CADM2: variants seen among roughly 807,000 people sequenced by gnomAD.
CADM2 encodes the protein cell adhesion molecule 2.
CADM2 carries 12 observed loss-of-function variants against 49.8 expected under a neutral mutation model. That is an observed-to-expected ratio of 0.24 (90% CI 0.15 to 0.39). The LOEUF is 0.39. Among genes scored for constraint, CADM2 ranks in the 10% least tolerant of loss-of-function variants. The pLI is 1.00. For missense variants in CADM2, 378 were observed against 492.3 expected, an observed-to-expected ratio of 0.77 and a Z score of 2.20; for synonymous variants, 214 against 175.4, an observed-to-expected ratio of 1.22 and a Z score of -1.74.
Position 85,266,236 on chromosome 3 carries a change from A to G in CADM2, c.61+306568A>G, listed in dbSNP as rs142139938. ...CCCATTGGATTTTTGCAGTCTCAAA[A>G]CTGAGCTCTTCAAACTTGGAGATAC... On this transcript the variant is annotated intron_variant, in intron 1 of 9. Coordinates refer to ENST00000383699, the MANE Select transcript of CADM2 (RefSeq NM_001167675.2). Among the ~76,000 whole-genome samples the G allele has an allele frequency of 4.1e-3, 622 of 152,010 alleles. 4 individuals carry two copies. The highest frequency in any genetic ancestry group is 6.8e-3 in the Middle Eastern group (2 of 294).
intron 1 of CADM2, among the ~76,000 whole-genome samples, chr3:85,621,172 A>G (rs1047667041): frequency 1.3e-5 from 2 of 152,138 alleles, no homozygotes; most frequent in African/African-American, 4.8e-5. Context: ...CTGTAATGAA[A>G]CTGAATATAT....
At chr3:85,216,846 T>A (rs763216701) in intron 1 of CADM2, among the ~76,000 whole-genome samples, 6 of 152,090 alleles carry the variant, frequency 3.9e-5, no homozygotes, top group Non-Finnish European at 7.4e-5. Context: ...CTTTGTAGAA[T>A]AGGATGAGAA....
chr3:85,294,344 CGTGAAAATGGCCATACTGCCCAA>C (rs1344972540), intron 1 of CADM2, among the ~76,000 whole-genome samples: 2 of 151,980 alleles, frequency 1.3e-5, no homozygotes, highest in Non-Finnish European at 2.9e-5. Context: ...GAATCAATAT[CGTGAAAATGGCCATACTGCCCAA>C]GGTAATTTAC....
chr3:85,998,348 C>T (rs77316574), intron 8 of CADM2, among the ~76,000 whole-genome samples: 2,142 of 152,168 alleles, frequency 0.014, 40 homozygotes, highest in East Asian at 0.061. Context: ...ATTTTGTCCT[C>T]TCTGGAAACC....
At chr3:85,037,818 T>G (rs577183008) in intron 1 of CADM2, among the ~76,000 whole-genome samples, 1 of 152,300 alleles carries the variant, frequency 6.6e-6, no homozygotes, top group Non-Finnish European at 1.5e-5. Flanking sequence ...GAGGTGAATA[T>G]TATATCCTCT....
At chr3:85,006,475 A>T (rs2033733822) in intron 1 of CADM2, among the ~76,000 whole-genome samples, 2 of 152,212 alleles carry the variant, frequency 1.3e-5, no homozygotes, top group Non-Finnish European at 2.9e-5. Context: ...ACAATTAAAC[A>T]TATGACTTAT....
At chr3:85,589,984 C>G (rs1474564450) in intron 1 of CADM2, among the ~76,000 whole-genome samples, 1 of 151,876 alleles carries the variant, frequency 6.6e-6, no homozygotes, top group African/African-American at 2.4e-5. Context: ...CAAAAAGAAA[C>G]AGATATACAG....
chr3:85,087,878 C>T (rs2107516198), intron 1 of CADM2, among the ~76,000 whole-genome samples: 1 of 152,226 alleles, frequency 6.6e-6, no homozygotes, highest in Non-Finnish European at 1.5e-5. Context: ...TTCCAAAGTT[C>T]CCTTACCAGT....
chr3:85,617,181 G>A (rs2063823309), intron 1 of CADM2, among the ~76,000 whole-genome samples: 1 of 152,002 alleles, frequency 6.6e-6, no homozygotes, highest in Non-Finnish European at 1.5e-5. Flanking sequence ...CAGTCCCCAA[G>A]CCTCCCCACC....
At chr3:85,958,914 G>A (rs974843858) in intron 7 of CADM2, among the ~76,000 whole-genome samples, 6 of 151,692 alleles carry the variant, frequency 4.0e-5, no homozygotes, top group Non-Finnish European at 7.4e-5. Flanking sequence ...TGGGGGTGAG[G>A]GGAGGGAACC....
At chr3:85,427,202 G>C (rs369583287) in intron 1 of CADM2, among the ~76,000 whole-genome samples, 1 of 100,492 alleles carries the variant, frequency 1.0e-5, no homozygotes, top group Non-Finnish European at 1.9e-5. Flanking sequence ...ATATATATAT[G>C]TATAATAAGT....
intron 1 of CADM2, among the ~76,000 whole-genome samples, chr3:85,098,328 G>A (rs1395726397): frequency 1.3e-5 from 2 of 150,772 alleles, no homozygotes; most frequent in Non-Finnish European, 2.9e-5. Flanking sequence ...AGTTTAAACA[G>A]TAGTTAAATG....
intron 5 of CADM2, among the ~76,000 whole-genome samples, chr3:85,899,679 A>C (rs1715835188): frequency 6.6e-6 from 1 of 152,202 alleles, no homozygotes; most frequent in Non-Finnish European, 1.5e-5. Context: ...AGACCAGAAC[A>C]GTATTTGACT....
At chr3:85,415,426 A>AAAT (rs543105650) in intron 1 of CADM2, among the ~76,000 whole-genome samples, 3,113 of 151,874 alleles carry the variant, frequency 0.02, 110 homozygotes, top group African/African-American at 0.071. Flanking sequence ...TGCCAAAAAA[A>AAAT]AAAAACTAGC....
intron 3 of CADM2, among the ~76,000 whole-genome samples, chr3:85,879,793 G>A (rs927831474): frequency 5.3e-5 from 8 of 152,144 alleles, no homozygotes; most frequent in African/African-American, 1.7e-4. Flanking sequence ...CACCGATACA[G>A]TTTAATAGTC....
At chr3:85,845,282 G>A (rs552574085) in intron 3 of CADM2, among the ~76,000 whole-genome samples, 91 of 152,094 alleles carry the variant, frequency 6.0e-4, no homozygotes, top group African/African-American at 2.0e-3. Flanking sequence ...CTGGTAGCCC[G>A]GGCCAGTCAC....
chr3:85,000,473 C>T (rs1249779653), intron 1 of CADM2, among the ~76,000 whole-genome samples: 1 of 151,922 alleles, frequency 6.6e-6, no homozygotes. Context: ...TTACTTATTC[C>T]AAGGTTGCTA....
intron 1 of CADM2, among the ~76,000 whole-genome samples, chr3:85,192,656 A>G (rs2041236084): frequency 6.6e-6 from 1 of 151,658 alleles, no homozygotes; most frequent in Admixed American, 6.6e-5. Context: ...ATCCATAAAA[A>G]TGAAGATCAA....
chr3:86,008,758 T>A (rs1731100082), intron 8 of CADM2, among the ~76,000 whole-genome samples: 1 of 152,054 alleles, frequency 6.6e-6, no homozygotes, highest in South Asian at 2.1e-4. Flanking sequence ...GAATTTTTTA[T>A]AATTTCATTA....
Sources: allele counts gnomAD v4.1 joint callset (sites outside exome capture counted in the v4.1 genomes callset), GRCh38; gene constraint gnomAD v4.1.1; transcripts MANE v1.5; gene names NCBI Gene and HGNC (gene_info 2026-07-23, HGNC 2026-07-21).